Variants in CACNG3 observed in about 807,000 individuals in gnomAD.
CACNG3 encodes voltage-dependent calcium channel gamma-3 subunit.
Under a neutral mutation model 28.5 loss-of-function variants are expected in CACNG3, and 3 were observed. The observed-to-expected ratio is 0.11, with a 90% CI of 0.05 to 0.27. CACNG3 has a LOEUF of 0.27. Among genes scored for constraint, CACNG3 ranks in the 10% least tolerant of loss-of-function variants. CACNG3 has a pLI of 1.00. For missense variants in CACNG3, 236 were observed against 414.4 expected (o/e 0.57, Z 3.74); for synonymous variants, 174 against 162.2 (o/e 1.07, Z -0.55).
At chr16:24,300,979 G>A (rs1899101450) in intron 1 of CACNG3, among the ~76,000 whole-genome samples, 1 of 150,186 alleles carries the variant, frequency 6.7e-6, no homozygotes, top group African/African-American at 2.5e-5. Context: ...GGAGGTGGAG[G>A]TTGCAGTGAG....
chr16:24,325,567 G>C (rs996665890), intron 1 of CACNG3, among the ~76,000 whole-genome samples: 2 of 152,244 alleles, frequency 1.3e-5, no homozygotes, highest in African/African-American at 4.8e-5. Context: ...CTGCGGCTGG[G>C]AGAAGGTGCC....
intron 1 of CACNG3, among the ~76,000 whole-genome samples, chr16:24,287,201 G>A (rs1290511941): frequency 6.6e-6 from 1 of 152,146 alleles, no homozygotes; most frequent in Non-Finnish European, 1.5e-5. Flanking sequence ...GTTGTGATAG[G>A]CAACAGGTAC....
At chr16:24,259,483 T>C (rs1898510985) in intron 1 of CACNG3, among the ~76,000 whole-genome samples, 1 of 152,206 alleles carries the variant, frequency 6.6e-6, no homozygotes, top group African/African-American at 2.4e-5. Context: ...AAATCCTCAT[T>C]TTCTGGTCCT....
At chr16:24,286,485 A>T (rs973376485) in intron 1 of CACNG3, among the ~76,000 whole-genome samples, 1 of 151,862 alleles carries the variant, frequency 6.6e-6, no homozygotes, top group African/African-American at 2.4e-5. Flanking sequence ...TTGAAAGGAG[A>T]TCCCCTAGAA....
chr16:24,337,094 G>T (rs1291700854), intron 1 of CACNG3, among the ~76,000 whole-genome samples: 1 of 152,146 alleles, frequency 6.6e-6, no homozygotes, highest in Non-Finnish European at 1.5e-5. Flanking sequence ...GATTACAGGT[G>T]TGAGCCACCA....
chr16:24,301,192 C>T (rs1434683184), intron 1 of CACNG3, among the ~76,000 whole-genome samples: 3 of 141,642 alleles, frequency 2.1e-5, no homozygotes, highest in Admixed American at 7.4e-5. Context: ...GCCTGGGCAA[C>T]AGAGTGAGAC....
intron 1 of CACNG3, among the ~76,000 whole-genome samples, chr16:24,307,931 T>C (rs77953868): frequency 0.01 from 1,556 of 152,264 alleles, 31 homozygotes; most frequent in African/African-American, 0.034. Flanking sequence ...GCTGGGGTGG[T>C]CATTGTCCCT....
At chr16:24,304,568 G>A (rs1899159038) in intron 1 of CACNG3, among the ~76,000 whole-genome samples, 1 of 152,026 alleles carries the variant, frequency 6.6e-6, no homozygotes, top group East Asian at 1.9e-4. Context: ...GCACAGACTG[G>A]GGTATTTGGT....
intron 2 of CACNG3, among the ~76,000 whole-genome samples, chr16:24,350,897 A>T (rs530713562): frequency 6.6e-6 from 1 of 152,186 alleles, no homozygotes; most frequent in African/African-American, 2.4e-5. Flanking sequence ...CCCATAGGTC[A>T]TATGTGTACA....
At chr16:24,302,511 G>C (rs1194001046) in intron 1 of CACNG3, among the ~76,000 whole-genome samples, 1 of 152,022 alleles carries the variant, frequency 6.6e-6, no homozygotes, top group Non-Finnish European at 1.5e-5. Flanking sequence ...CTGGAGTGCA[G>C]TGGCATCATC....
intron 1 of CACNG3, among the ~76,000 whole-genome samples, chr16:24,269,746 C>CGA (rs1898659691): frequency 1.4e-5 from 1 of 71,082 alleles, no homozygotes; most frequent in Non-Finnish European, 2.9e-5. Context: ...GACTCCATCT[C>CGA]AAAAAAAAAA....
chr16:24,359,015 T>C (rs372110260), intron 3 of CACNG3, among the ~76,000 whole-genome samples: 5 of 152,202 alleles, frequency 3.3e-5, no homozygotes, highest in Non-Finnish European at 5.9e-5. Flanking sequence ...ATCAGTTTAA[T>C]CTGACATCTG....
chr16:24,287,320 C>A, intron 1 of CACNG3, among the ~76,000 whole-genome samples: 1 of 151,756 alleles, frequency 6.6e-6, no homozygotes, highest in East Asian at 1.9e-4. Context: ...GAATTCGAGA[C>A]CAGGCTGGGC....
intron 1 of CACNG3, among the ~76,000 whole-genome samples, chr16:24,340,965 C>T (rs1469245559): frequency 1.3e-5 from 2 of 152,250 alleles, no homozygotes; most frequent in Non-Finnish European, 2.9e-5. Context: ...GAACTTAAAG[C>T]TGTGCTCTTC....
intron 1 of CACNG3, among the ~76,000 whole-genome samples, chr16:24,279,280 G>C (rs1470986171): frequency 6.6e-6 from 1 of 152,064 alleles, no homozygotes; most frequent in African/African-American, 2.4e-5. Context: ...ACTGGGGAAT[G>C]GAAAAGGAAT....
intron 1 of CACNG3, among the ~76,000 whole-genome samples, chr16:24,327,451 TATATACACACACACACAC>T (rs1899570266): frequency 8.7e-6 from 1 of 115,404 alleles, no homozygotes; most frequent in Non-Finnish European, 1.7e-5. Context: ...TATATATATA[TATATACACACACACACAC>T]ACACACACAT....
chr16:24,359,338 T>C (rs1309782995), intron 3 of CACNG3, among the ~76,000 whole-genome samples: 1 of 152,128 alleles, frequency 6.6e-6, no homozygotes, highest in Non-Finnish European at 1.5e-5. Context: ...TCAAGCCAAA[T>C]TGACACTCCA....
At chr16:24,318,610 C>T (rs560631401) in intron 1 of CACNG3, among the ~76,000 whole-genome samples, 1 of 152,300 alleles carries the variant, frequency 6.6e-6, no homozygotes, top group East Asian at 1.9e-4. Flanking sequence ...TCTGGTCATA[C>T]TATGGCACCT....
At chr16:24,300,958 G>A (rs1045814385) in intron 1 of CACNG3, among the ~76,000 whole-genome samples, 7 of 150,816 alleles carry the variant, frequency 4.6e-5, no homozygotes, top group South Asian at 2.1e-4. Flanking sequence ...CAGGAGAGTC[G>A]CTTGAACCTG....
Sources: gnomAD v4.1 joint callset for allele counts (sites outside exome capture counted in the v4.1 genomes callset) on GRCh38, gnomAD v4.1.1 for gene constraint, MANE v1.5 for transcripts, NCBI Gene and HGNC (gene_info 2026-07-23, HGNC 2026-07-21) for gene names.